Variants in SPINK8 observed in about 807,000 individuals in gnomAD.
SPINK8 encodes serine protease inhibitor Kazal-type 8.
SPINK8 carries 12 observed loss-of-function variants against 14.4 expected under a neutral mutation model. That is an observed-to-expected ratio of 0.83 (90% CI 0.53 to 1.35). The LOEUF (loss-of-function observed/expected upper bound fraction) is 1.35, where lower values mean the gene tolerates loss of function less well. Among genes scored for constraint, SPINK8 ranks in the 40% most tolerant of loss-of-function variants. SPINK8 has a pLI of 0.00. For missense variants in SPINK8, 103 were observed against 117.0 expected, an observed-to-expected ratio of 0.88 and a Z score of 0.55; for synonymous variants, 32 against 37.6, an observed-to-expected ratio of 0.85 and a Z score of 0.55.
At chr3:48,320,998 A>T (rs1223596282) in intron 5 of SPINK8, 27 bp downstream of exon 5, 3 of 1,578,578 alleles carry the variant, frequency 1.9e-6, no homozygotes, top group Non-Finnish European at 2.6e-6. Context: ...CATTCCTGTT[A>T]TTAGGAACCA....
chr3:48,322,780 T>G (rs933616681), intron 4 of SPINK8, among the ~76,000 whole-genome samples: 3 of 152,258 alleles, frequency 2.0e-5, no homozygotes, highest in Admixed American at 2.0e-4. Context: ...TTTTTATAAC[T>G]AAATAATATT....
chr3:48,310,031 A>G, intron 6 of SPINK8, 85 bp from the exon 7 acceptor site: 2 of 1,260,212 alleles, frequency 1.6e-6, no homozygotes, highest in South Asian at 2.4e-5. Context: ...ATCTTTGGCT[A>G]AGTTTGGGAA....
At chr3:48,329,602 G>T (rs138214395) in intron 2 of SPINK8, among the ~76,000 whole-genome samples, 15 of 152,318 alleles carry the variant, frequency 9.8e-5, no homozygotes, top group African/African-American at 3.1e-4. Flanking sequence ...CAAGTCAAAA[G>T]TGTTCACTTT....
intron 6 of SPINK8, among the ~76,000 whole-genome samples, chr3:48,314,144 T>A (rs575652957): frequency 6.6e-6 from 1 of 152,246 alleles, no homozygotes; most frequent in African/African-American, 2.4e-5. Context: ...AAATATGCAT[T>A]TGCACCCATT....
intron 6 of SPINK8, among the ~76,000 whole-genome samples, chr3:48,316,766 T>C (rs949091202): frequency 2.0e-5 from 3 of 151,862 alleles, no homozygotes; most frequent in Admixed American, 6.6e-5. Context: ...GAGTGAGACC[T>C]GGTCTCATAA....
At chr3:48,327,214 G>C (rs2036158373) in intron 4 of SPINK8, among the ~76,000 whole-genome samples, 1 of 152,196 alleles carries the variant, frequency 6.6e-6, no homozygotes, top group Non-Finnish European at 1.5e-5. Context: ...TCAAGTTAGA[G>C]GCAAAGGGAA....
chr3:48,327,172 T>A, intron 4 of SPINK8, among the ~76,000 whole-genome samples: 1 of 152,198 alleles, frequency 6.6e-6, no homozygotes, highest in East Asian at 1.9e-4. Flanking sequence ...AAATGACAAC[T>A]ATTGTAGCAG....
intron 3 of SPINK8, 43 bp from the exon 4 acceptor site, chr3:48,328,397 C>T (rs569798224): frequency 3.2e-5 from 46 of 1,452,702 alleles, no homozygotes; most frequent in Non-Finnish European, 4.0e-5. Context: ...AACATCTATG[C>T]GAAGTACAAG....
chr3:48,306,935 T>C lies in SPINK8; in HGVS notation c.*57A>G. On this transcript the variant is annotated 3_prime_UTR_variant, in exon 8 of 8. Transcript: ENST00000434006. ...GGGATATATTTGAAGAGGCAACCAT[T>C]GTGTTTCACTTGGCAATCTGGAGAT... The C allele has an allele frequency of 2.5e-6, 4 of 1,589,570 alleles. No individual in the cohort carries two copies. The highest frequency in any genetic ancestry group is 3.4e-6 in the Non-Finnish European group (4 of 1,160,568).
intron 2 of SPINK8, among the ~76,000 whole-genome samples, chr3:48,332,114 C>T (rs1226904335): frequency 6.6e-6 from 1 of 152,188 alleles, no homozygotes; most frequent in Non-Finnish European, 1.5e-5. Flanking sequence ...TTGTAGACCG[C>T]ACTGGAATCA....
Position 48,311,698 on chromosome 3 carries a change from A to C in SPINK8, c.240-1752T>G, listed in dbSNP as rs556769314. Reference sequence around the variant, plus strand: ...AATCCTGGAGGTGAAAGACTTGTACACTCAAAACTACAAAATTGAAACTGC... The same window carrying C: ...AATCCTGGAGGTGAAAGACTTGTACCCTCAAAACTACAAAATTGAAACTGC... On this transcript the variant is annotated intron_variant, in intron 6 of 7. Transcript: ENST00000434006. 1.1e-4 allele frequency among the ~76,000 whole-genome samples: 16 copies of C among 152,318 alleles called. No homozygotes were observed. In the South Asian group the frequency reaches 2.9e-3, roughly 28 times the overall value.
At chr3:48,317,980 T>C (rs1012759529) in intron 6 of SPINK8, among the ~76,000 whole-genome samples, 5 of 152,108 alleles carry the variant, frequency 3.3e-5, no homozygotes, top group African/African-American at 1.2e-4. Context: ...GCTCAAGCAA[T>C]CCTTCTGCCT....
At chr3:48,321,807 C>G (rs929227839) in intron 4 of SPINK8, among the ~76,000 whole-genome samples, 1 of 151,600 alleles carries the variant, frequency 6.6e-6, no homozygotes. Context: ...GAGCAAGACT[C>G]CGTCTAAAAA....
chr3:48,326,806 G>T (rs1400924351), intron 4 of SPINK8, among the ~76,000 whole-genome samples: 3 of 151,934 alleles, frequency 2.0e-5, no homozygotes, highest in Non-Finnish European at 4.4e-5. Context: ...AGCCACTTTG[G>T]GGGCTGAGGT....
At chr3:48,320,969 G>T in intron 5 of SPINK8, 56 bp downstream of exon 5, 1 of 1,543,658 alleles carries the variant, frequency 6.5e-7, no homozygotes, top group Non-Finnish European at 8.8e-7. Flanking sequence ...GGGGCTTTTG[G>T]GCAAACTGGC....
chr3:48,333,092 A>G (rs1411095033), intron 1 of SPINK8, among the ~76,000 whole-genome samples: 2 of 152,152 alleles, frequency 1.3e-5, no homozygotes, highest in Admixed American at 1.3e-4. Flanking sequence ...GGCTTCCTGT[A>G]GGGCATAAAT....
intron 6 of SPINK8, among the ~76,000 whole-genome samples, chr3:48,310,367 A>T (rs924240037): frequency 6.6e-6 from 1 of 152,192 alleles, no homozygotes; most frequent in Non-Finnish European, 1.5e-5. Context: ...GAAACACACA[A>T]ATTATCAAAA....
chr3:48,333,006 G>A (rs1324862878), intron 1 of SPINK8, among the ~76,000 whole-genome samples: 7 of 151,806 alleles, frequency 4.6e-5, no homozygotes, highest in East Asian at 3.9e-4. Context: ...CTTTGGCACC[G>A]TTTGTGTTGA....
At position 48,328,319 on chromosome 3, in the gene SPINK8, G is replaced by T; in HGVS notation, c.23C>A (p.Ala8Asp). The stretch of plus-strand genomic sequence containing the variant: ...CATGGAGGTAGCTAGAACAAGGATG[G>T]CGTCTGAGCAGATCCCCTTCATGGT... MKGICSD[A>D]ILVLATSMWM... Residue 8 changes from alanine (A) to aspartate (D), a missense_variant, in exon 4 of 8, where the codon GCC becomes GAC. By Grantham distance (126) the Ala-to-Asp change is moderately radical. Transcript: ENST00000434006. The T allele has an allele frequency of 6.2e-7, 1 of 1,611,428 alleles. No individual in the cohort carries two copies. Among genetic ancestry groups the T allele is most frequent in the Non-Finnish European group, 8.5e-7 (1 of 1,178,848 alleles).
Sources: allele counts gnomAD v4.1 joint callset (sites outside exome capture counted in the v4.1 genomes callset), GRCh38; gene constraint gnomAD v4.1.1; transcripts MANE v1.5; gene names NCBI Gene and HGNC (gene_info 2026-07-23, HGNC 2026-07-21).